Variants in COL6A5 observed in about 807,000 individuals in gnomAD.
The protein encoded by COL6A5 is collagen type VI alpha 5 chain.
In COL6A5, 48 loss-of-function variants were observed where a neutral mutation model predicts 65.6. The ratio of observed to expected loss-of-function variants is 0.73; its 90% CI spans 0.58 to 0.93. COL6A5 has a LOEUF of 0.93. Ranked by LOEUF, COL6A5 falls within the 40% of genes least tolerant of loss-of-function variation. The probability of loss-of-function intolerance (pLI) is 0.00; values close to 1 mark genes in which losing one functional copy is unlikely to be tolerated. For synonymous variants in COL6A5, 291 were observed against 322.8 expected (o/e 0.90, Z 1.05); for missense variants, 914 against 928.3 (o/e 0.98, Z 0.20).
chr3:130,455,346 C>T lies in COL6A5; in HGVS notation c.1333-109C>T, dbSNP rs928050011. 8.0e-6 allele frequency: 5 copies of T among 626,734 alleles called. No homozygotes were observed. The African/African-American group carries it at 9.3e-5, about 12-fold the overall frequency. 38.8% of individuals were successfully genotyped at this position (626,734 alleles called of 1,614,324 possible). ...TGAAATGGATTTATATTTTCACCAC[C>T]CAATTGGTTTTTTAAGGAGATAATT... On this transcript the variant is annotated intron_variant, in intron 4 of 7. Coordinates refer to ENST00000512836, the Ensembl canonical transcript of COL6A5.
chr3:130,469,850 T>C (rs1249524947), intron 6 of COL6A5, among the ~76,000 whole-genome samples: 1 of 152,056 alleles, frequency 6.6e-6, no homozygotes, highest in East Asian at 1.9e-4. Context: ...TTCAGAAATG[T>C]TAAATAAAGT....
intron 4 of COL6A5, among the ~76,000 whole-genome samples, chr3:130,454,131 CACA>C (rs1393856272): frequency 5.3e-5 from 8 of 152,122 alleles, no homozygotes; most frequent in Non-Finnish European, 1.0e-4. Flanking sequence ...GCTGTTAAAC[CACA>C]ACAAGTTAAT....
intron 10 of COL6A5, among the ~76,000 whole-genome samples, chr3:130,399,091 T>G (rs1936717733): frequency 6.6e-6 from 1 of 152,218 alleles, no homozygotes; most frequent in Admixed American, 6.5e-5. Flanking sequence ...GAGAGTAGGA[T>G]GCAGCAATGG....
exon 8 of COL6A5, chr3:130,395,127 A>G: frequency 1.3e-6 from 2 of 1,551,706 alleles, no homozygotes; most frequent in South Asian, 1.2e-5. Context: ...AATGTCTCCA[A>G]GAGCGGTGGA....
chr3:130,440,771 C>A, exon 3 of COL6A5: 1 of 1,613,134 alleles, frequency 6.2e-7, no homozygotes, highest in Non-Finnish European at 8.5e-7. Flanking sequence ...AATACATAAA[C>A]CAGATCTGAA....
At chr3:130,418,970 G>T in intron 25 of COL6A5, 39 bp downstream of exon 25, 1 of 1,517,626 alleles carries the variant, frequency 6.6e-7, no homozygotes, top group Non-Finnish European at 9.0e-7. Context: ...CCAGATCTGG[G>T]TATTCAGTTC....
In COL6A5 at chr3:130,385,383, G is replaced by A; in HGVS notation, c.1861+19G>A. The A allele has an allele frequency of 6.5e-7, 1 of 1,541,464 alleles. No homozygotes were observed. Among genetic ancestry groups the A allele is most frequent in the Non-Finnish European group, 8.8e-7 (1 of 1,142,406 alleles). ...GAAAAAGGTAAGCAACACAAAAAAG[G>A]CTTTATTCTCCACATTTCATCAATT... On this transcript the variant is annotated intron_variant and NMD_transcript_variant, in intron 5 of 41. Coordinates refer to the COL6A5 transcript ENST00000312481.
rs189221356 is a variant in COL6A5 at position 130,452,477 on chromosome 3, G to A, written c.1333-2978G>A. The stretch of plus-strand genomic sequence containing the variant: ...GAGACATCACATGTCGGTAGGTTCC[G>A]TGATGCCCCACAAGCCGCAAAACCA... On this transcript the variant is annotated intron_variant, in intron 4 of 7. Coordinates refer to ENST00000512836, the Ensembl canonical transcript of COL6A5. Among the ~76,000 whole-genome samples the A allele has an allele frequency of 4.6e-5, 7 of 152,278 alleles. No individual in the cohort carries two copies. In the East Asian group the frequency reaches 5.8e-4, roughly 13 times the overall value.
intron 1 of COL6A5, among the ~76,000 whole-genome samples, chr3:130,369,414 G>A (rs1006698832): frequency 6.6e-6 from 1 of 152,046 alleles, no homozygotes; most frequent in African/African-American, 2.4e-5. Context: ...ATTACACCGA[G>A]GCCTTTGCTA....
At chr3:130,347,828 A>G (rs901867893) in intron 1 of COL6A5, among the ~76,000 whole-genome samples, 1 of 152,180 alleles carries the variant, frequency 6.6e-6, no homozygotes, top group Non-Finnish European at 1.5e-5. Flanking sequence ...TCAATCTTGT[A>G]GGATCTCAGA....
chr3:130,466,013 A>C (rs553164418), intron 5 of COL6A5, among the ~76,000 whole-genome samples: 1 of 152,180 alleles, frequency 6.6e-6, no homozygotes, highest in Non-Finnish European at 1.5e-5. Context: ...ACAAAGAAAA[A>C]AAGATATAAA....
intron 1 of COL6A5, among the ~76,000 whole-genome samples, chr3:130,367,910 T>C (rs1300033103): frequency 6.6e-6 from 1 of 152,210 alleles, no homozygotes; most frequent in Non-Finnish European, 1.5e-5. Context: ...GTAAGCTTCA[T>C]GCGTCATGAT....
intron 1 of COL6A5, among the ~76,000 whole-genome samples, chr3:130,353,019 G>A (rs1934780532): frequency 6.6e-6 from 1 of 152,208 alleles, no homozygotes; most frequent in Non-Finnish European, 1.5e-5. Context: ...AAACATGTAA[G>A]TGTTTGCTGT....
At position 130,395,765 on chromosome 3, in the gene COL6A5, C is replaced by A. The variant is rs548829099; in HGVS notation, c.3568+300C>A. Among the ~76,000 whole-genome samples, 27 of 152,282 alleles carry A rather than the reference C, an allele frequency of 1.8e-4. No individual in the cohort carries two copies. The South Asian group carries it at 5.2e-3, about 29-fold the overall frequency. On this transcript the variant is annotated intron_variant and NMD_transcript_variant, in intron 8 of 41. Coordinates refer to the COL6A5 transcript ENST00000312481. ...TATTCTCCTTTTAACACCTGGATCT[C>A]TCTCTCCTATTTCTGTCCTCCTAGT...
intron 3 of COL6A5, among the ~76,000 whole-genome samples, chr3:130,441,813 C>T (rs1260493658): frequency 1.3e-5 from 2 of 152,156 alleles, no homozygotes; most frequent in African/African-American, 4.8e-5. Flanking sequence ...AATAATACAT[C>T]CCCAAAAGTC....
chr3:130,473,216 C>G (rs928881332), intron 7 of COL6A5, among the ~76,000 whole-genome samples: 1 of 151,970 alleles, frequency 6.6e-6, no homozygotes, highest in Non-Finnish European at 1.5e-5. Context: ...CAAAAAGCAA[C>G]TACCTGAGGG....
At chr3:130,389,156 C>G in intron 6 of COL6A5, 22 bp downstream of exon 6, 1 of 1,386,662 alleles carries the variant, frequency 7.2e-7, no homozygotes, top group Non-Finnish European at 9.4e-7. Flanking sequence ...TGTTATCTGT[C>G]AGGACTAAAG....
chr3:130,410,076 T>C lies in COL6A5; in HGVS notation c.4608+2T>C, dbSNP rs778045788. On this transcript the variant is annotated splice_donor_variant and NMD_transcript_variant, in intron 19 of 41. Transcript: ENST00000312481. Reference sequence around the variant, plus strand: ...TCCAAAGGAGAACAAGGAAGACAAGTAATTTGATCTGTTTTATCTATGAGT... The same window carrying C: ...TCCAAAGGAGAACAAGGAAGACAAGCAATTTGATCTGTTTTATCTATGAGT... 87 of 1,543,690 alleles carry C rather than the reference T, an allele frequency of 5.6e-5. No homozygotes were observed. Among genetic ancestry groups the C allele is most frequent in the Non-Finnish European group, 7.1e-5 (81 of 1,140,292 alleles).
At chr3:130,437,896 G>A (rs982044159) in intron 1 of COL6A5, among the ~76,000 whole-genome samples, 2 of 152,004 alleles carry the variant, frequency 1.3e-5, no homozygotes, top group Non-Finnish European at 2.9e-5. Flanking sequence ...TCTATAAAAA[G>A]TATTACTTCC....
Sources: gnomAD v4.1 joint callset for allele counts (sites outside exome capture counted in the v4.1 genomes callset) on GRCh38, gnomAD v4.1.1 for gene constraint, MANE v1.5 for transcripts, NCBI Gene and HGNC (gene_info 2026-07-23, HGNC 2026-07-21) for gene names.